Variants in KCNH8 observed in about 807,000 individuals in gnomAD.
KCNH8 encodes potassium voltage-gated channel subfamily H member 8, also known as voltage-gated delayed rectifier potassium channel KCNH8.
KCNH8 carries 70 observed loss-of-function variants against 103.6 expected under a neutral mutation model. That is an observed-to-expected ratio of 0.68 (90% confidence interval 0.56 to 0.82). KCNH8 has a LOEUF of 0.82. Ranked by LOEUF, KCNH8 falls within the 40% of genes least tolerant of loss-of-function variation. KCNH8 has a pLI of 0.00. For missense variants in KCNH8, 1,217 were observed against 1,329.9 expected (o/e 0.92, Z 1.32); for synonymous variants, 498 against 489.4 (o/e 1.02, Z -0.23).
At chr3:19,251,412 A>G (rs889660310) in intron 1 of KCNH8, among the ~76,000 whole-genome samples, 1 of 152,100 alleles carries the variant, frequency 6.6e-6, no homozygotes, top group African/African-American at 2.4e-5. Flanking sequence ...AGTGGCTGGG[A>G]AGGCAGAAGA....
At chr3:19,485,846 A>C (rs1262605214) in intron 11 of KCNH8, among the ~76,000 whole-genome samples, 1 of 152,192 alleles carries the variant, frequency 6.6e-6, no homozygotes, top group African/African-American at 2.4e-5. Context: ...ACTGCCTCTA[A>C]TAATTGTAGA....
At chr3:19,152,109 T>C (rs1481944284) in intron 1 of KCNH8, among the ~76,000 whole-genome samples, 1 of 151,966 alleles carries the variant, frequency 6.6e-6, no homozygotes, top group East Asian at 1.9e-4. Flanking sequence ...CACACACTCC[T>C]AACGTTATGG....
At chr3:19,209,719 G>A (rs1004921397) in intron 1 of KCNH8, among the ~76,000 whole-genome samples, 2 of 150,900 alleles carry the variant, frequency 1.3e-5, no homozygotes, top group African/African-American at 2.5e-5. Context: ...GGAGGTGTAT[G>A]TATTGTCAAT....
chr3:19,222,765 C>T (rs2063889887), intron 1 of KCNH8, among the ~76,000 whole-genome samples: 1 of 152,126 alleles, frequency 6.6e-6, no homozygotes, highest in African/African-American at 2.4e-5. Flanking sequence ...ACAGATAAAT[C>T]ACTAATGTCT....
At chr3:19,523,035 C>T (rs962586632) in intron 15 of KCNH8, among the ~76,000 whole-genome samples, 4 of 151,752 alleles carry the variant, frequency 2.6e-5, no homozygotes, top group Admixed American at 6.6e-5. Context: ...TGCTGGGAAT[C>T]GGAGTGATAT....
At chr3:19,457,039 T>A (rs1559336355) in intron 11 of KCNH8, 57 bp downstream of exon 11, 1 of 1,220,022 alleles carries the variant, frequency 8.2e-7, no homozygotes, top group Non-Finnish European at 1.2e-6. Context: ...TGGAGATCAT[T>A]TGTAACAGTA....
intron 7 of KCNH8, among the ~76,000 whole-genome samples, chr3:19,413,437 C>G (rs1005768083): frequency 1.3e-5 from 2 of 152,110 alleles, no homozygotes; most frequent in East Asian, 3.9e-4. Context: ...GGGTACTATG[C>G]TCACTACGTG....
chr3:19,372,135 C>G (rs201559536), intron 5 of KCNH8, among the ~76,000 whole-genome samples: 72 of 150,224 alleles, frequency 4.8e-4, no homozygotes, highest in Non-Finnish European at 7.9e-4. Flanking sequence ...GTAGTTTTTT[C>G]CAATTCTGTG....
intron 2 of KCNH8, among the ~76,000 whole-genome samples, chr3:19,266,051 T>C (rs1199099781): frequency 6.6e-6 from 1 of 152,020 alleles, no homozygotes; most frequent in Non-Finnish European, 1.5e-5. Flanking sequence ...CAAAGCTGTC[T>C]TCCTGAAGTG....
At chr3:19,369,350 T>A (rs2066056168) in intron 5 of KCNH8, among the ~76,000 whole-genome samples, 1 of 151,892 alleles carries the variant, frequency 6.6e-6, no homozygotes, top group African/African-American at 2.4e-5. Flanking sequence ...TGTGTTCTCT[T>A]GATTTTCCTT....
Position 19,395,313 on chromosome 3 carries a change from T to A in KCNH8, c.1177+2T>A, listed in dbSNP as rs2066498963. 6.2e-7 allele frequency: 1 copy of A among 1,603,044 alleles called. No individual in the cohort carries two copies. Among genetic ancestry groups the A allele is most frequent in the African/African-American group, 1.3e-5 (1 of 74,508 alleles). On this transcript the variant is annotated splice_donor_variant, in intron 7 of 15. Transcript: ENST00000328405. LOFTEE classifies it high-confidence loss of function. Reference sequence around the variant, plus strand: ...ACAGCCTTCTGAAGTGGGAAGTTGGTAAGGGCTTACATTTGTCACATTTTC... The same window carrying A: ...ACAGCCTTCTGAAGTGGGAAGTTGGAAAGGGCTTACATTTGTCACATTTTC...
chr3:19,470,046 C>T (rs1158778465), intron 11 of KCNH8, among the ~76,000 whole-genome samples: 3 of 151,756 alleles, frequency 2.0e-5, no homozygotes, highest in African/African-American at 7.3e-5. Flanking sequence ...TACTTTCACC[C>T]TTTCTCAAAT....
At chr3:19,373,498 C>T (rs564843409) in intron 5 of KCNH8, among the ~76,000 whole-genome samples, 3 of 152,184 alleles carry the variant, frequency 2.0e-5, no homozygotes, top group African/African-American at 7.2e-5. Flanking sequence ...TGATTCTTCT[C>T]TTTTTTTCTT....
chr3:19,156,806 T>C (rs768878767), intron 1 of KCNH8, among the ~76,000 whole-genome samples: 1 of 152,072 alleles, frequency 6.6e-6, no homozygotes, highest in Non-Finnish European at 1.5e-5. Flanking sequence ...ATAGAGGAAA[T>C]TCTTCCATGT....
rs1204564038 is a variant in KCNH8 at position 19,354,771 on chromosome 3, A to G, written c.811+6806A>G. 3.3e-5 allele frequency among the ~76,000 whole-genome samples: 5 copies of G among 152,230 alleles called. No homozygotes were observed. The East Asian group carries it at 7.7e-4, about 23-fold the overall frequency. ...ATTTAAATGTTAGACCTAAAACCAT[A>G]AAAACCCTAGAAGAAAACCTAGGCA... On this transcript the variant is annotated intron_variant, in intron 5 of 15. Coordinates refer to ENST00000328405, the MANE Select transcript of KCNH8 (RefSeq NM_144633.3).
chr3:19,159,462 G>T (rs2125184866), intron 1 of KCNH8, among the ~76,000 whole-genome samples: 1 of 152,002 alleles, frequency 6.6e-6, no homozygotes, highest in Middle Eastern at 3.4e-3. Flanking sequence ...ACCCATATTT[G>T]TGCCGATTAC....
chr3:19,528,143 T>C (rs532054369), intron 15 of KCNH8, among the ~76,000 whole-genome samples: 2 of 152,122 alleles, frequency 1.3e-5, no homozygotes, highest in South Asian at 4.1e-4. Context: ...AGAAAATGTA[T>C]ATTAATAAAC....
rs373151606 is a variant in KCNH8, at chr3:19,234,539, G to C, written c.77-19115G>C. On this transcript the variant is annotated intron_variant, in intron 1 of 15. Transcript: ENST00000328405. ...GGGGCTGGCCGGCCAATCCGAGTGC[G>C]GGGTCCGCGAGCCCTCGCCCACGCG... 2.9e-3 allele frequency among the ~76,000 whole-genome samples: 446 copies of C among 152,344 alleles called. 3 individuals are homozygous for C. The highest frequency in any genetic ancestry group is 0.01 in the African/African-American group (427 of 41,590).
At chr3:19,249,091 A>G (rs1175185498) in intron 1 of KCNH8, among the ~76,000 whole-genome samples, 2 of 152,256 alleles carry the variant, frequency 1.3e-5, no homozygotes, top group Admixed American at 1.3e-4. Context: ...TGGCATTTAG[A>G]TGCATATTGC....
Sources: gnomAD v4.1 joint callset for allele counts (sites outside exome capture counted in the v4.1 genomes callset) on GRCh38, gnomAD v4.1.1 for gene constraint, MANE v1.5 for transcripts, NCBI Gene and HGNC (gene_info 2026-07-23, HGNC 2026-07-21) for gene names.